PTPRT: variants seen among roughly 807,000 people sequenced by gnomAD.
PTPRT encodes the protein protein tyrosine phosphatase receptor type T.
Under a neutral mutation model 176.8 loss-of-function variants are expected in PTPRT, and 56 were observed. That is an observed-to-expected ratio of 0.32 (90% confidence interval 0.26 to 0.40). The LOEUF is 0.40. PTPRT is among the 10% of genes least tolerant of loss of function. The probability of loss-of-function intolerance (pLI) is 1.00; values close to 1 mark genes in which losing one functional copy is unlikely to be tolerated. For missense variants in PTPRT, 1,540 were observed against 1,908.2 expected (o/e 0.81, Z 3.60); for synonymous variants, 783 against 739.0 (o/e 1.06, Z -0.96).
intron 1 of PTPRT, among the ~76,000 whole-genome samples, chr20:43,083,356 ATATATATATATAT>A (rs2011513969): frequency 3.8e-5 from 5 of 131,316 alleles, no homozygotes; most frequent in African/African-American, 1.1e-4. Context: ...ATATATATAT[ATATATATATATAT>A]ACATTTTTTG....
the PTPRT span, among the ~76,000 whole-genome samples, chr20:42,053,952 G>T: frequency 6.6e-6 from 1 of 152,142 alleles, no homozygotes; most frequent in Non-Finnish European, 1.5e-5. Flanking sequence ...TCAGTTTGGG[G>T]CAGGAATCTG....
intron 18 of PTPRT, among the ~76,000 whole-genome samples, chr20:42,141,081 C>A (rs1988601455): frequency 6.6e-6 from 1 of 152,160 alleles, no homozygotes; most frequent in African/African-American, 2.4e-5. Context: ...GGGGTGCCTA[C>A]AGGAAAGGTA....
chr20:42,347,172 C>A (rs1454922632), intron 11 of PTPRT, among the ~76,000 whole-genome samples: 1 of 152,206 alleles, frequency 6.6e-6, no homozygotes, highest in Admixed American at 6.5e-5. Flanking sequence ...TCCCAACCAG[C>A]TGACTCACCA....
chr20:42,466,461 T>C (rs1208964026), intron 8 of PTPRT, among the ~76,000 whole-genome samples: 1 of 152,216 alleles, frequency 6.6e-6, no homozygotes, highest in Non-Finnish European at 1.5e-5. Context: ...GTATTCTCAC[T>C]GCATACCCTC....
chr20:42,964,784 T>G (rs571694395), intron 1 of PTPRT, among the ~76,000 whole-genome samples: 2 of 152,310 alleles, frequency 1.3e-5, no homozygotes, highest in South Asian at 4.1e-4. Flanking sequence ...GTTTTTATGT[T>G]GTATTATCTG....
intron 16 of PTPRT, among the ~76,000 whole-genome samples, chr20:42,173,386 A>T (rs1030455846): frequency 6.6e-6 from 1 of 152,194 alleles, no homozygotes; most frequent in African/African-American, 2.4e-5. Context: ...CCTCTTCTCC[A>T]ACCAGATATA....
chr20:42,074,657 T>C lies in PTPRT; in HGVS notation c.*6222A>G. ...CTGCCCCAGTGGACCACCCCTGAGC[T>C]CTTAGATAGGTGGGATGCTAGGTTT... is the stretch of plus-strand genomic sequence containing the variant. On this transcript the variant is annotated 3_prime_UTR_variant, in exon 31 of 31. Transcript: ENST00000373187. 1 of 397,340 alleles carries C rather than the reference T, an allele frequency of 2.5e-6. No individual in the cohort carries two copies. Among genetic ancestry groups the C allele is most frequent in the East Asian group, 3.6e-5 (1 of 28,036 alleles). 24.6% of individuals were successfully genotyped at this position (397,340 alleles called of 1,614,324 possible). A position where few individuals can be genotyped will look rare whatever the true frequency, so the allele number is the denominator to read the frequency against.
intron 6 of PTPRT, among the ~76,000 whole-genome samples, chr20:42,698,066 G>C (rs1313292261): frequency 1.3e-5 from 2 of 152,114 alleles, no homozygotes; most frequent in African/African-American, 4.8e-5. Flanking sequence ...GGCATTTATG[G>C]ACTCTTCAAA....
At chr20:42,485,226 A>C (rs1055388226) in intron 7 of PTPRT, among the ~76,000 whole-genome samples, 7 of 152,232 alleles carry the variant, frequency 4.6e-5, no homozygotes, top group African/African-American at 1.7e-4. Flanking sequence ...GAAGAAAAGG[A>C]GAAGTCAAAC....
At chr20:42,267,304 A>G (rs2056855665) in intron 13 of PTPRT, among the ~76,000 whole-genome samples, 1 of 152,212 alleles carries the variant, frequency 6.6e-6, no homozygotes, top group African/African-American at 2.4e-5. Flanking sequence ...AGGTTAAGCT[A>G]TGATGTTCCG....
At chr20:42,476,198 C>A (rs1274813534) in intron 7 of PTPRT, among the ~76,000 whole-genome samples, 1 of 152,170 alleles carries the variant, frequency 6.6e-6, no homozygotes, top group Non-Finnish European at 1.5e-5. Flanking sequence ...TGGAGAAATG[C>A]CTTTGGAAGC....
chr20:42,788,607 G>A (rs950876432), intron 3 of PTPRT, among the ~76,000 whole-genome samples: 28 of 152,108 alleles, frequency 1.8e-4, no homozygotes, highest in African/African-American at 5.6e-4. Context: ...TGTGCTGTTC[G>A]ACAGTCATTG....
chr20:43,188,681 C>G (rs146758896), intron 1 of PTPRT, among the ~76,000 whole-genome samples: 1 of 129,226 alleles, frequency 7.7e-6, no homozygotes, highest in Non-Finnish European at 1.6e-5. Flanking sequence ...TGCTAAGAAA[C>G]TTTAAGGTGA....
intron 6 of PTPRT, among the ~76,000 whole-genome samples, chr20:42,692,405 C>T (rs1600618848): frequency 6.6e-6 from 1 of 152,228 alleles, no homozygotes; most frequent in Middle Eastern, 3.4e-3. Context: ...GAAAATCAAT[C>T]AGTATAACTC....
At chr20:42,331,578 A>G (rs1177944655) in intron 11 of PTPRT, among the ~76,000 whole-genome samples, 1 of 152,198 alleles carries the variant, frequency 6.6e-6, no homozygotes, top group Non-Finnish European at 1.5e-5. Flanking sequence ...AATGCAAGAG[A>G]AAAATTATAA....
At chr20:42,683,512 A>C (rs1202747925) in intron 6 of PTPRT, among the ~76,000 whole-genome samples, 1 of 152,154 alleles carries the variant, frequency 6.6e-6, no homozygotes, top group Non-Finnish European at 1.5e-5. Flanking sequence ...TCCTTATCTC[A>C]GGTGATCCAC....
intron 9 of PTPRT, among the ~76,000 whole-genome samples, chr20:42,434,438 T>G (rs1372554600): frequency 6.6e-6 from 1 of 152,076 alleles, no homozygotes; most frequent in Non-Finnish European, 1.5e-5. Context: ...AGTTTATACT[T>G]TAGCAAATTA....
In PTPRT at chr20:42,540,716, T is replaced by C. The variant is rs529163675; in HGVS notation, c.1154-68154A>G. Among the ~76,000 whole-genome samples, 4 of 152,288 alleles carry C rather than the reference T, an allele frequency of 2.6e-5. 1 individual carries two copies. The highest frequency in any genetic ancestry group is 2.6e-4 in the Admixed American group (4 of 15,294). ...ACCATAAACAAGTCAAATATTAGCT[T>C]CAGGGAAAACATAATAGTTGTGCAG... On this transcript the variant is annotated intron_variant, in intron 7 of 30. Transcript: ENST00000373187.
chr20:42,301,917 T>A (rs1172051004), intron 12 of PTPRT, among the ~76,000 whole-genome samples: 1 of 152,232 alleles, frequency 6.6e-6, no homozygotes, highest in Non-Finnish European at 1.5e-5. Context: ...CACATACAGA[T>A]CAGTCTGTTA....
Sources: gnomAD v4.1 joint callset for allele counts (sites outside exome capture counted in the v4.1 genomes callset) on GRCh38, gnomAD v4.1.1 for gene constraint, MANE v1.5 for transcripts, NCBI Gene and HGNC (gene_info 2026-07-23, HGNC 2026-07-21) for gene names.